Variants in ALDH8A1 observed in about 807,000 individuals in gnomAD.
ALDH8A1 encodes 2-aminomuconic semialdehyde dehydrogenase.
A neutral mutation model predicts 43.3 loss-of-function variants in ALDH8A1; 39 were observed. That is an observed-to-expected ratio of 0.90 (90% confidence interval 0.70 to 1.18). ALDH8A1 has a LOEUF of 1.18. Among genes scored for constraint, ALDH8A1 ranks in the 50% most tolerant of loss-of-function variants. ALDH8A1 has a pLI of 0.00. For synonymous variants in ALDH8A1, 233 were observed against 243.5 expected (o/e 0.96, Z 0.40); for missense variants, 605 against 622.6 (o/e 0.97, Z 0.30).
In ALDH8A1 at chr6:134,939,181, G is replaced by A. The variant is rs1583032868; in HGVS notation, c.592+85C>T. 5.8e-6 allele frequency: 9 copies of A among 1,550,518 alleles called. No individual in the cohort carries two copies. In the East Asian group the frequency reaches 1.6e-4, roughly 27 times the overall value. ...CAAAGCCCATGATGTCACTGGAATC[G>A]ATTGTGCTGCTGAGTGGAAGATTTC... On this transcript the variant is annotated intron_variant, in intron 4 of 6. Transcript: ENST00000265605.
chr6:134,932,811 T>G lies in ALDH8A1; in HGVS notation c.814A>C (p.Ile272Leu). ...AAGCTGGACCTGACGGTTGCCGGAA[T>G]GCACTCATCCAGGTTGGCGTCCTCA... ...IFEDANLDEC[I>L]PATVRSSFAN... Residue 272 changes from isoleucine to leucine, a missense_variant, in exon 5 of 7, where the codon ATT (isoleucine) becomes CTT (leucine). Physicochemically the swap from Ile to Leu is conservative, Grantham distance 5. Coordinates refer to ENST00000265605, the MANE Select transcript of ALDH8A1 (RefSeq NM_022568.4). The G allele has an allele frequency of 6.2e-7, 1 of 1,614,230 alleles. No individual in the cohort carries two copies. The highest frequency in any genetic ancestry group is 8.5e-7 in the Non-Finnish European group (1 of 1,180,042).
At chr6:134,945,440 A>C (rs1320448039) in intron 1 of ALDH8A1, among the ~76,000 whole-genome samples, 4 of 152,172 alleles carry the variant, frequency 2.6e-5, no homozygotes, top group African/African-American at 9.7e-5. Context: ...ATACAAAAGG[A>C]AACAATATAT....
chr6:134,918,154 A>G lies in ALDH8A1; in HGVS notation c.*261T>C, dbSNP rs114342852. 1,336 of 476,580 alleles carry G rather than the reference A, an allele frequency of 2.8e-3. 10 individuals carry two copies. The highest frequency in any genetic ancestry group is 0.02 in the African/African-American group (1,051 of 51,810). 29.5% of individuals were successfully genotyped at this position (476,580 alleles called of 1,614,324 possible). On this transcript the variant is annotated 3_prime_UTR_variant, in exon 7 of 7. Transcript: ENST00000265605. ...AGATGATGAAAGAAACACTATGAAA[A>G]CATAACCTGGGAGGAGCCTGACAAC...
At chr6:134,935,034 A>G (rs1384536732) in intron 4 of ALDH8A1, among the ~76,000 whole-genome samples, 2 of 152,192 alleles carry the variant, frequency 1.3e-5, no homozygotes, top group Non-Finnish European at 1.5e-5. Flanking sequence ...CACTCTGCTC[A>G]GGATAAATTT....
intron 2 of ALDH8A1, among the ~76,000 whole-genome samples, chr6:134,943,059 ACCTGCTTGCCCATC>A (rs1192428194): frequency 2.0e-5 from 3 of 152,176 alleles, no homozygotes; most frequent in African/African-American, 7.2e-5. Context: ...GCTGTGTGGC[ACCTGCTTGCCCATC>A]ACATGCCCTG....
intron 4 of ALDH8A1, among the ~76,000 whole-genome samples, chr6:134,936,900 T>A (rs541740373): frequency 6.6e-6 from 1 of 152,224 alleles, no homozygotes; most frequent in Admixed American, 6.5e-5. Flanking sequence ...TTAGCAAAAC[T>A]CAGGGGAGGT....
At chr6:134,934,801 G>C (rs1034106631) in intron 4 of ALDH8A1, among the ~76,000 whole-genome samples, 3 of 152,118 alleles carry the variant, frequency 2.0e-5, no homozygotes, top group African/African-American at 7.2e-5. Context: ...ATAAATAAAT[G>C]AAATAATAAA....
intron 6 of ALDH8A1, among the ~76,000 whole-genome samples, chr6:134,928,378 C>T (rs1041463454): frequency 3.3e-5 from 5 of 152,192 alleles, no homozygotes; most frequent in African/African-American, 7.2e-5. Context: ...TACAAACTTA[C>T]GTAAATGCTC....
intron 3 of ALDH8A1, chr6:134,942,120 TGAGACTAGA>T (rs1454728725): frequency 7.5e-5 from 15 of 199,008 alleles, no homozygotes; most frequent in African/African-American, 3.5e-4. Flanking sequence ...CTCAGGAGGC[TGAGACTAGA>T]GAATCACTAG....
At chr6:134,944,720 C>T (rs1345834836) in intron 1 of ALDH8A1, among the ~76,000 whole-genome samples, 1 of 151,486 alleles carries the variant, frequency 6.6e-6, no homozygotes, top group Admixed American at 6.6e-5. Flanking sequence ...CCTGTCTCTA[C>T]ACAAAGGTTT....
chr6:134,936,815 G>A (rs1773750700), intron 4 of ALDH8A1, among the ~76,000 whole-genome samples: 1 of 152,158 alleles, frequency 6.6e-6, no homozygotes, highest in South Asian at 2.1e-4. Context: ...AATTTTTCTT[G>A]AGATGTCTGC....
rs141798638 is a variant in ALDH8A1 at position 134,918,682 on chromosome 6, G to T, written c.1197C>A (p.Val399=). 1.2e-6 allele frequency: 2 copies of T among 1,614,002 alleles called. No homozygotes were observed. Among genetic ancestry groups the T allele is most frequent in the South Asian group, 2.2e-5 (2 of 91,074 alleles). ...TEEIFGPVTC[V]VPFDSEEEVI... ...CCTCCTCTTCACTATCAAAGGGGAC[G>T]ACACACGTCACTGGACCAAATATCT... Residue 399 remains valine (V), a synonymous_variant, in exon 7 of 7, where the codon GTC becomes GTA. Transcript: ENST00000265605.
chr6:134,920,751 GAA>G (rs544930296), intron 6 of ALDH8A1, among the ~76,000 whole-genome samples: 7,219 of 151,554 alleles, frequency 0.048, 559 homozygotes, highest in African/African-American at 0.16. Flanking sequence ...CTGGGGGGGA[GAA>G]AAAAAACCAT....
intron 6 of ALDH8A1, among the ~76,000 whole-genome samples, chr6:134,922,022 C>T (rs1776810381): frequency 6.6e-6 from 1 of 152,248 alleles, no homozygotes; most frequent in Admixed American, 6.5e-5. Context: ...GCGGGAGGCT[C>T]ACTCGGTGTA....
intron 1 of ALDH8A1, among the ~76,000 whole-genome samples, chr6:134,948,594 T>C (rs979529497): frequency 2.0e-5 from 3 of 152,194 alleles, no homozygotes; most frequent in African/African-American, 7.2e-5. Context: ...GGAGCCACTG[T>C]TAGCAGCACC....
At chr6:134,922,972 A>G (rs1776829073) in intron 6 of ALDH8A1, among the ~76,000 whole-genome samples, 1 of 152,150 alleles carries the variant, frequency 6.6e-6, no homozygotes. Flanking sequence ...TGGTTATAAA[A>G]ACTCTCTGCC....
chr6:134,934,407 C>T (rs544261611), intron 4 of ALDH8A1, among the ~76,000 whole-genome samples: 37 of 152,258 alleles, frequency 2.4e-4, no homozygotes, highest in African/African-American at 8.9e-4. Flanking sequence ...ACCAAATTTT[C>T]CTCCCTCTTT....
chr6:134,944,037 T>A, intron 1 of ALDH8A1, 71 bp from the exon 2 acceptor site: 1 of 1,512,458 alleles, frequency 6.6e-7, no homozygotes, highest in Non-Finnish European at 8.9e-7. Context: ...AAAACCAGAA[T>A]CCTCAGGTCT....
chr6:134,940,921 G>A (rs1243687001), intron 3 of ALDH8A1, among the ~76,000 whole-genome samples: 1 of 152,162 alleles, frequency 6.6e-6, no homozygotes, highest in Non-Finnish European at 1.5e-5. Flanking sequence ...AATTTCTGAA[G>A]GTTTCAAGTA....
Sources: allele counts gnomAD v4.1 joint callset (sites outside exome capture counted in the v4.1 genomes callset), GRCh38; gene constraint gnomAD v4.1.1; transcripts MANE v1.5; gene names NCBI Gene and HGNC (gene_info 2026-07-23, HGNC 2026-07-21).